INTU: variants seen among roughly 807,000 people sequenced by gnomAD.
The protein encoded by INTU is protein inturned.
A neutral mutation model predicts 100.5 loss-of-function variants in INTU; 68 were observed. The observed-to-expected ratio is 0.68, with a 90% CI of 0.56 to 0.83. The LOEUF is 0.83. Among genes scored for constraint, INTU ranks in the 40% least tolerant of loss-of-function variants. The pLI, the probability that INTU is intolerant of heterozygous loss-of-function variation, is 0.00. For missense variants in INTU, 1,071 were observed against 1,114.7 expected (o/e 0.96, Z 0.56); for synonymous variants, 357 against 395.7 (o/e 0.90, Z 1.16).
At chr4:127,670,773 C>T (rs1207650678) in intron 5 of INTU, among the ~76,000 whole-genome samples, 1 of 151,890 alleles carries the variant, frequency 6.6e-6, no homozygotes, top group Admixed American at 6.6e-5. Context: ...AGACATAGAT[C>T]AATGGAACAG....
At chr4:127,687,988 A>G (rs1729911792) in intron 8 of INTU, 121 bp downstream of exon 8, 1 of 640,016 alleles carries the variant, frequency 1.6e-6, no homozygotes, top group Non-Finnish European at 2.4e-6. Flanking sequence ...TAAAGAGGCA[A>G]TTGGTTGACA....
At chr4:127,709,559 A>G (rs1379333227) in intron 13 of INTU, among the ~76,000 whole-genome samples, 2 of 152,174 alleles carry the variant, frequency 1.3e-5, no homozygotes, top group African/African-American at 2.4e-5. Context: ...ATGAAATGTT[A>G]TATATTCACT....
chr4:127,694,244 G>A (rs991512744), intron 8 of INTU, among the ~76,000 whole-genome samples: 5 of 151,488 alleles, frequency 3.3e-5, no homozygotes, highest in South Asian at 2.1e-4. Flanking sequence ...TTTCAATCTC[G>A]CTACTTGTTA....
intron 8 of INTU, among the ~76,000 whole-genome samples, chr4:127,693,472 G>A (rs1187753987): frequency 6.6e-6 from 1 of 152,064 alleles, no homozygotes; most frequent in East Asian, 1.9e-4. Flanking sequence ...ATGCTTTTTG[G>A]ATGAGTCTTT....
intron 5 of INTU, among the ~76,000 whole-genome samples, chr4:127,673,348 A>AT (rs777890903): frequency 0.063 from 8,480 of 135,564 alleles, 487 homozygotes; most frequent in African/African-American, 0.16. Flanking sequence ...CACCCAGCTA[A>AT]TTTTTTTTTT....
In INTU at chr4:127,643,540, C is replaced by G; in HGVS notation, c.166C>G (p.Leu56Val). 1 of 1,600,472 alleles carries G rather than the reference C, an allele frequency of 6.2e-7. No individual in the cohort carries two copies. ...TCATAGTGATCTTGAGCCTGAATGG[C>G]TGGACAGTGTGCAGAAAAATGGAGA... is the stretch of plus-strand genomic sequence containing the variant. ...SDYDDLEPEW[L>V]DSVQKNGELF... The change falls in exon 2 of 16, where the codon CTG becomes GTG. Residue 56 changes from leucine to valine, a missense_variant. Coordinates refer to ENST00000335251, the MANE Select transcript of INTU (RefSeq NM_015693.4).
Position 127,663,579 on chromosome 4 carries a change from G to A in INTU, c.967G>A (p.Glu323Lys). The change falls in exon 4 of 16, where the codon GAA (glutamate) becomes AAA (lysine). Residue 323 changes from glutamate (E) to lysine (K), a missense_variant. Physicochemically the swap from Glu to Lys is moderately conservative, Grantham distance 56. Coordinates refer to ENST00000335251, the MANE Select transcript of INTU (RefSeq NM_015693.4). ...ACAGCTCGACTCAGAAACCTCAAAG[G>A]AAGAGGTGAGTGTCCTCAAAAGTCC... ...TLQLDSETSK[E>K]EQEILYHYPM... 1 of 1,612,570 alleles carries A rather than the reference G, an allele frequency of 6.2e-7. No homozygotes were observed. Among genetic ancestry groups the A allele is most frequent in the Non-Finnish European group, 8.5e-7 (1 of 1,179,110 alleles).
Position 127,716,457 on chromosome 4 carries a change from G to T in INTU, c.*21G>T. 1 of 1,176,726 alleles carries T rather than the reference G, an allele frequency of 8.5e-7. No individual in the cohort carries two copies. The allele number at this position is 1,176,726 out of a possible 1,614,324, so 72.9% of individuals were successfully genotyped here. A position where few individuals can be genotyped will look rare whatever the true frequency, so the allele number is the denominator to read the frequency against. On this transcript the variant is annotated 3_prime_UTR_variant, in exon 16 of 16. Coordinates refer to ENST00000335251, the MANE Select transcript of INTU (RefSeq NM_015693.4). ...TGTAGCTGTGCTTTCTTGATGCGTA[G>T]AAACACGTGCATGGAGGATCAAACA...
rs548278763 is a variant in INTU, at chr4:127,706,783, G to C, written c.2085G>C (p.Thr695=). The C allele has an allele frequency of 6.2e-7, 1 of 1,613,994 alleles. No individual in the cohort carries two copies. The highest frequency in any genetic ancestry group is 1.7e-5 in the Admixed American group (1 of 59,976). The change falls in exon 12 of 16, where the codon ACG becomes ACC. Residue 695 remains threonine (T), a synonymous_variant. Coordinates refer to ENST00000335251, the MANE Select transcript of INTU (RefSeq NM_015693.4). ...CAACTTCTCCAACATGCAGAAGAACGCTTTTTGGTGACTATTCCTTAAAGA... is the reference window on the plus strand; with the variant it reads ...CAACTTCTCCAACATGCAGAAGAACCCTTTTTGGTGACTATTCCTTAAAGA... ...KVATSPTCRR[T]LFGDYSLKTR...
intron 7 of INTU, among the ~76,000 whole-genome samples, chr4:127,684,834 TTTC>T (rs2126228673): frequency 6.6e-6 from 1 of 152,150 alleles, no homozygotes; most frequent in Non-Finnish European, 1.5e-5. Context: ...TTTAGTGAAA[TTTC>T]TTAGTGAATT....
At position 127,714,071 on chromosome 4, in the gene INTU, G is replaced by A. The variant is rs1282787915; in HGVS notation, c.2695G>A (p.Val899Ile). ...NWTDQKKAPP[V>I]MAYWVVGRLF... The stretch of plus-strand genomic sequence containing the variant: ...GACTGATCAGAAAAAAGCACCACCA[G>A]TTATGGCTTACTGGGTAGTAGGGTA... Residue 899 changes from valine (V) to isoleucine (I), a missense_variant, in exon 15 of 16, where the codon GTT becomes ATT. Val to Ile is a conservative substitution (Grantham distance 29). Coordinates refer to ENST00000335251, the MANE Select transcript of INTU (RefSeq NM_015693.4). The A allele has an allele frequency of 1.9e-6, 3 of 1,613,180 alleles. No homozygotes were observed. Among genetic ancestry groups the A allele is most frequent in the East Asian group, 2.2e-5 (1 of 44,804 alleles).
Position 127,716,453 on chromosome 4 carries a change from C to T in INTU, c.*17C>T, listed in dbSNP as rs780508162. On this transcript the variant is annotated 3_prime_UTR_variant, in exon 16 of 16. Coordinates refer to ENST00000335251, the MANE Select transcript of INTU (RefSeq NM_015693.4). ...ACCTTGTAGCTGTGCTTTCTTGATG[C>T]GTAGAAACACGTGCATGGAGGATCA... The T allele has an allele frequency of 1.1e-5, 13 of 1,183,722 alleles. No homozygotes were observed. Among genetic ancestry groups the T allele is most frequent in the South Asian group, 7.2e-5 (5 of 69,858 alleles). 73.3% of individuals were successfully genotyped at this position (1,183,722 alleles called of 1,614,324 possible).
At chr4:127,690,906 A>G (rs1368544104) in intron 8 of INTU, among the ~76,000 whole-genome samples, 1 of 152,048 alleles carries the variant, frequency 6.6e-6, no homozygotes, top group Admixed American at 6.6e-5. Context: ...TGTACATTCT[A>G]TAGATTTAGA....
intron 8 of INTU, among the ~76,000 whole-genome samples, chr4:127,689,446 T>TG (rs542338249): frequency 2.0e-5 from 3 of 152,030 alleles, no homozygotes; most frequent in Non-Finnish European, 4.4e-5. Flanking sequence ...GGCCAAGAGT[T>TG]CAAGACCAGC....
At chr4:127,654,736 C>G (rs368616136) in intron 2 of INTU, among the ~76,000 whole-genome samples, 1,549 of 145,462 alleles carry the variant, frequency 0.011, 16 homozygotes, top group Middle Eastern at 0.034. Flanking sequence ...TCTTTGTGGC[C>G]TTCTCTGTAT....
chr4:127,635,761 T>C lies in INTU; in HGVS notation c.146+2581T>C, dbSNP rs74490609. 9.3e-3 allele frequency among the ~76,000 whole-genome samples: 1,417 copies of C among 152,286 alleles called. 29 individuals are homozygous for C. Among genetic ancestry groups the C allele is most frequent in the African/African-American group, 0.033 (1,365 of 41,560 alleles). ...TACGTCTGTCAAGAAAATGAACATA[T>C]CCATCTCGCCTAAGAGTCTCCCCAT... On this transcript the variant is annotated intron_variant, in intron 1 of 15. Coordinates refer to ENST00000335251, the MANE Select transcript of INTU (RefSeq NM_015693.4).
At chr4:127,643,242 A>G (rs1036242585) in intron 1 of INTU, among the ~76,000 whole-genome samples, 2 of 152,132 alleles carry the variant, frequency 1.3e-5, no homozygotes, top group African/African-American at 4.8e-5. Context: ...TAAGGGGACC[A>G]TCTCTTTTTT....
At chr4:127,652,455 T>C (rs1237351230) in intron 2 of INTU, among the ~76,000 whole-genome samples, 23 of 104,654 alleles carry the variant, frequency 2.2e-4, no homozygotes, top group Admixed American at 5.3e-4. Context: ...TGTCAAAGGC[T>C]TTTTCTGCAT....
chr4:127,725,815 T>C lies in INTU; in HGVS notation c.*9379T>C, dbSNP rs1479093577. ...TCTTATTTTTTCATTTCTAAATGGA[T>C]ATTGAACTAAGCTCTGAAGGCAAAC... On this transcript the variant is annotated 3_prime_UTR_variant, in exon 16 of 16. Transcript: ENST00000335251. 1 of 152,190 alleles carries C rather than the reference T, an allele frequency of 6.6e-6. No individual in the cohort carries two copies. Among genetic ancestry groups the C allele is most frequent in the Non-Finnish European group, 1.5e-5 (1 of 68,032 alleles). The allele number at this position is 152,190 out of a possible 1,614,324, so 9.4% of individuals were successfully genotyped here. A position where few individuals can be genotyped will look rare whatever the true frequency, so the allele number is the denominator to read the frequency against.
Sources: gnomAD v4.1 joint callset for allele counts (sites outside exome capture counted in the v4.1 genomes callset) on GRCh38, gnomAD v4.1.1 for gene constraint, MANE v1.5 for transcripts, NCBI Gene and HGNC (gene_info 2026-07-23, HGNC 2026-07-21) for gene names.